Variants in TUSC3 observed in about 807,000 individuals in gnomAD.
TUSC3 encodes tumor suppressor candidate 3.
In TUSC3, 45 loss-of-function variants were observed where a neutral mutation model predicts 44.8. The ratio of observed to expected loss-of-function variants is 1.00; its 90% CI spans 0.79 to 1.29. TUSC3 has a LOEUF of 1.29. TUSC3 is among the 50% of genes most tolerant of loss of function. TUSC3 has a pLI of 0.00. For synonymous variants in TUSC3, 212 were observed against 152.9 expected (o/e 1.39, Z -2.85); for missense variants, 519 against 437.9 (o/e 1.19, Z -1.65).
At chr8:15,645,703 A>G (rs911047943) in intron 2 of TUSC3, among the ~76,000 whole-genome samples, 1 of 152,120 alleles carries the variant, frequency 6.6e-6, no homozygotes, top group African/African-American at 2.4e-5. Flanking sequence ...TACTAATAGG[A>G]TATCACATGA....
At chr8:15,485,589 A>G (rs1030541137) in intron 2 of TUSC3, among the ~76,000 whole-genome samples, 2 of 151,212 alleles carry the variant, frequency 1.3e-5, no homozygotes, top group African/African-American at 2.4e-5. Flanking sequence ...ACAGATACCT[A>G]ATCATGGGTA....
chr8:15,718,843 A>T (rs961680768), intron 6 of TUSC3, among the ~76,000 whole-genome samples: 3 of 152,200 alleles, frequency 2.0e-5, no homozygotes, highest in Non-Finnish European at 2.9e-5. Flanking sequence ...AATCTTTACT[A>T]TACATCCTAT....
intron 1 of TUSC3, among the ~76,000 whole-genome samples, chr8:15,437,647 T>C (rs1043441761): frequency 2.0e-5 from 3 of 152,298 alleles, no homozygotes; most frequent in Admixed American, 1.3e-4. Context: ...AAAAGGTATA[T>C]GTATAACTAA....
the TUSC3 span, among the ~76,000 whole-genome samples, chr8:15,800,356 T>G: frequency 6.6e-6 from 1 of 152,068 alleles, no homozygotes; most frequent in Non-Finnish European, 1.5e-5. Context: ...GCAGATTGCT[T>G]GAGTCCAGGA....
chr8:15,594,163 A>T (rs1803972512), intron 1 of TUSC3, among the ~76,000 whole-genome samples: 1 of 152,024 alleles, frequency 6.6e-6, no homozygotes, highest in African/African-American at 2.4e-5. Flanking sequence ...TGTCTTTTTT[A>T]TTTTAGATTC....
intron 1 of TUSC3, among the ~76,000 whole-genome samples, chr8:15,540,790 G>C (rs1440478613): frequency 6.6e-6 from 1 of 152,188 alleles, no homozygotes. Context: ...GTTCTTGACT[G>C]CTTCTGAGCA....
At chr8:15,722,692 G>A (rs1465021878) in intron 6 of TUSC3, among the ~76,000 whole-genome samples, 2 of 151,896 alleles carry the variant, frequency 1.3e-5, no homozygotes, top group Non-Finnish European at 2.9e-5. Flanking sequence ...CTCTCTATAT[G>A]ACTTCTGTCT....
chr8:15,775,734 A>G, the TUSC3 span, among the ~76,000 whole-genome samples: 26,876 of 129,610 alleles, frequency 0.21, 3,229 homozygotes, highest in Non-Finnish European at 0.29. Flanking sequence ...AAACATATAT[A>G]ACTATATATT....
chr8:15,531,395 G>A (rs1801447288), intron 2 of TUSC3, among the ~76,000 whole-genome samples: 1 of 152,050 alleles, frequency 6.6e-6, no homozygotes, highest in Non-Finnish European at 1.5e-5. Flanking sequence ...GGGATTACAG[G>A]CACCCGCCAC....
At chr8:15,827,693 A>G in the TUSC3 span, among the ~76,000 whole-genome samples, 1 of 152,188 alleles carries the variant, frequency 6.6e-6, no homozygotes, top group Non-Finnish European at 1.5e-5. Flanking sequence ...AAACCAGATT[A>G]TCTTCATAAA....
the TUSC3 span, among the ~76,000 whole-genome samples, chr8:15,779,264 C>T: frequency 3.3e-5 from 5 of 152,140 alleles, no homozygotes; most frequent in African/African-American, 7.2e-5. Flanking sequence ...ATTGGGGTCT[C>T]GCTTTGTTGC....
At chr8:15,783,448 G>A in the TUSC3 span, among the ~76,000 whole-genome samples, 2 of 152,086 alleles carry the variant, frequency 1.3e-5, no homozygotes, top group Non-Finnish European at 1.5e-5. Flanking sequence ...AAAGCTGGAG[G>A]CATCACACTA....
intron 2 of TUSC3, among the ~76,000 whole-genome samples, chr8:15,641,823 C>T (rs1383115963): frequency 6.6e-6 from 1 of 152,124 alleles, no homozygotes. Flanking sequence ...GTTTGGAAGT[C>T]ATGATAAAAG....
intron 1 of TUSC3, among the ~76,000 whole-genome samples, chr8:15,453,111 G>T (rs1260570156): frequency 1.3e-5 from 2 of 152,134 alleles, no homozygotes; most frequent in Non-Finnish European, 1.5e-5. Context: ...TTGAGAGCTA[G>T]TTTCATCCAT....
intron 1 of TUSC3, among the ~76,000 whole-genome samples, chr8:15,618,086 C>T (rs1805074053): frequency 6.6e-6 from 1 of 152,180 alleles, no homozygotes; most frequent in Admixed American, 6.5e-5. Flanking sequence ...AAAAATGGTC[C>T]ACCTGTCTAG....
chr8:15,554,644 C>A lies in TUSC3; in HGVS notation c.138+14076C>A, dbSNP rs1431174716. ...TTGAGATGGAGTCTCACTCTGTCGC[C>A]CAGGCTGGAGTGCAGTGGCGTGATT... On this transcript the variant is annotated intron_variant, in intron 1 of 10. Transcript: ENST00000503731. Among the ~76,000 whole-genome samples the A allele has an allele frequency of 7.3e-4, 105 of 142,930 alleles. 4 individuals carry two copies. The highest frequency in any genetic ancestry group is 1.4e-3 in the Non-Finnish European group (90 of 65,908). 93.8% of individuals were successfully genotyped at this position (142,930 alleles called of 152,430 possible).
intron 1 of TUSC3, among the ~76,000 whole-genome samples, chr8:15,547,876 G>GGT (rs1801927222): frequency 6.6e-6 from 1 of 151,114 alleles, no homozygotes; most frequent in African/African-American, 2.4e-5. Context: ...TATCAAACTT[G>GGT]GTAGGTATCT....
rs1812310412 is a variant in TUSC3 at position 15,765,820 on chromosome 8, A to G, written c.*1664A>G. The G allele has an allele frequency of 6.6e-6, 1 of 152,052 alleles. No individual in the cohort carries two copies. Among genetic ancestry groups the G allele is most frequent in the African/African-American group, 2.4e-5 (1 of 41,430 alleles). 9.4% of individuals were successfully genotyped at this position (152,052 alleles called of 1,614,324 possible). A position where few individuals can be genotyped will look rare whatever the true frequency, so the allele number is the denominator to read the frequency against. On this transcript the variant is annotated 3_prime_UTR_variant, in exon 11 of 11. Coordinates refer to ENST00000503731, the MANE Select transcript of TUSC3 (RefSeq NM_006765.4). ...GAACTTGACCTGTAATTCTTAATCC[A>G]TTGTAGATTTTTTACATTTTACTCA...
chr8:15,760,939 G>T (rs1287494308), intron 10 of TUSC3, among the ~76,000 whole-genome samples: 3 of 152,042 alleles, frequency 2.0e-5, no homozygotes, highest in Non-Finnish European at 2.9e-5. Context: ...TTGTAACACC[G>T]TCATCATCTC....
Sources: allele counts gnomAD v4.1 joint callset (sites outside exome capture counted in the v4.1 genomes callset), GRCh38; gene constraint gnomAD v4.1.1; transcripts MANE v1.5; gene names NCBI Gene and HGNC (gene_info 2026-07-23, HGNC 2026-07-21).